CNTNAP5: variants seen among roughly 807,000 people sequenced by gnomAD.
CNTNAP5 encodes contactin associated protein family member 5.
Under a neutral mutation model 150.2 loss-of-function variants are expected in CNTNAP5, and 72 were observed. The ratio of observed to expected loss-of-function variants is 0.48; its 90% CI spans 0.40 to 0.58. CNTNAP5 has a LOEUF of 0.58. Among genes scored for constraint, CNTNAP5 ranks in the 20% least tolerant of loss-of-function variants. The pLI is 0.00. For missense variants in CNTNAP5, 1,636 were observed against 1,626.2 expected (o/e 1.01, Z -0.10); for synonymous variants, 672 against 619.8 (o/e 1.08, Z -1.25).
rs1477384390 is a variant in CNTNAP5 at position 124,707,189 on chromosome 2, GAAGAAGAAGAAGAAGAAT to G, written c.2078-40037_2078-40020del. ...AGAAGAAGAAGAAGAAGAAGAAGAA[GAAGAAGAAGAAGAAGAAT>G]AAACAACTTGGGATCATTCACTGAC... On this transcript the variant is annotated intron_variant, in intron 13 of 23. Coordinates refer to ENST00000682447, the MANE Select transcript of CNTNAP5 (RefSeq NM_001367498.1). 1.4e-4 allele frequency among the ~76,000 whole-genome samples: 18 copies of G among 131,582 alleles called. 2 individuals carry two copies. Among genetic ancestry groups the G allele is most frequent in the East Asian group, 1.3e-3 (5 of 3,764 alleles). 86.3% of individuals were successfully genotyped at this position (131,582 alleles called of 152,430 possible). A position where few individuals can be genotyped will look rare whatever the true frequency, so the allele number is the denominator to read the frequency against.
intron 9 of CNTNAP5, among the ~76,000 whole-genome samples, chr2:124,525,759 G>C (rs1450600007): frequency 1.3e-5 from 2 of 152,164 alleles, no homozygotes; most frequent in Non-Finnish European, 2.9e-5. Flanking sequence ...CTCTGCAAAA[G>C]TTTTTATGAC....
At chr2:124,166,948 T>G (rs1408059411) in intron 1 of CNTNAP5, among the ~76,000 whole-genome samples, 2 of 152,176 alleles carry the variant, frequency 1.3e-5, no homozygotes, top group African/African-American at 4.8e-5. Flanking sequence ...ACAGAGTGAA[T>G]GCCAATGCAC....
chr2:124,382,249 C>G (rs114720262), intron 3 of CNTNAP5, among the ~76,000 whole-genome samples: 1 of 152,044 alleles, frequency 6.6e-6, no homozygotes, highest in African/African-American at 2.4e-5. Flanking sequence ...GTAGTCTATG[C>G]GCTCAGATGC....
In CNTNAP5 at chr2:124,465,792, A is replaced by G. The variant is rs573175602; in HGVS notation, c.919-8947A>G. On this transcript the variant is annotated intron_variant, in intron 6 of 23. Transcript: ENST00000682447. ...GCTTGCATTCTAGCAGGAGAGGCAA[A>G]CTATAAAGAATAAACACAAGTAAGT... 6.6e-5 allele frequency among the ~76,000 whole-genome samples: 10 copies of G among 152,320 alleles called. No homozygotes were observed. The South Asian group carries it at 2.1e-3, about 32-fold the overall frequency.
At chr2:124,262,806 C>G in intron 3 of CNTNAP5, among the ~76,000 whole-genome samples, 1 of 115,490 alleles carries the variant, frequency 8.7e-6, no homozygotes, top group Middle Eastern at 6.0e-3. Flanking sequence ...CCCCTCCCCC[C>G]ACCCCACAAC....
intron 2 of CNTNAP5, 98 bp from the exon 3 acceptor site, chr2:124,242,102 T>C: frequency 1.0e-6 from 1 of 969,796 alleles, no homozygotes; most frequent in Non-Finnish European, 1.6e-6. Context: ...TAGAGTCATC[T>C]TAGTTGAACA....
chr2:124,125,848 A>T (rs1303522875), intron 1 of CNTNAP5, among the ~76,000 whole-genome samples: 1 of 152,224 alleles, frequency 6.6e-6, no homozygotes, highest in African/African-American at 2.4e-5. Context: ...AGAAACAAAG[A>T]TGTTCTTTGA....
At chr2:124,607,382 C>T (rs1417598358) in intron 11 of CNTNAP5, among the ~76,000 whole-genome samples, 3 of 152,122 alleles carry the variant, frequency 2.0e-5, no homozygotes, top group Non-Finnish European at 4.4e-5. Flanking sequence ...TGCCTTGTTA[C>T]ATTGGAGTTG....
At chr2:124,382,476 A>G (rs145890799) in intron 3 of CNTNAP5, among the ~76,000 whole-genome samples, 1 of 152,288 alleles carries the variant, frequency 6.6e-6, no homozygotes, top group East Asian at 1.9e-4. Flanking sequence ...AAATCTGAAC[A>G]ATACATTTGA....
chr2:124,368,008 A>G (rs1440248336), intron 3 of CNTNAP5, among the ~76,000 whole-genome samples: 1 of 152,168 alleles, frequency 6.6e-6, no homozygotes, highest in African/African-American at 2.4e-5. Context: ...CATGCCTTTC[A>G]AATGTGTCTA....
intron 13 of CNTNAP5, among the ~76,000 whole-genome samples, chr2:124,694,931 T>C (rs760590874): frequency 6.6e-6 from 1 of 152,152 alleles, no homozygotes; most frequent in Admixed American, 6.5e-5. Flanking sequence ...TTGTCAATGA[T>C]GGAAGCTGCT....
intron 7 of CNTNAP5, among the ~76,000 whole-genome samples, chr2:124,488,510 G>A (rs147269087): frequency 1.3e-5 from 2 of 152,276 alleles, no homozygotes; most frequent in African/African-American, 4.8e-5. Flanking sequence ...CTTAGCTGCT[G>A]TGATGTGCTT....
intron 13 of CNTNAP5, among the ~76,000 whole-genome samples, chr2:124,741,933 T>G: frequency 6.6e-6 from 1 of 152,312 alleles, no homozygotes; most frequent in East Asian, 1.9e-4. Context: ...TCTGTCTTTT[T>G]GTGGCTCAAT....
intron 3 of CNTNAP5, among the ~76,000 whole-genome samples, chr2:124,394,982 C>T (rs1023557162): frequency 2.6e-5 from 4 of 152,046 alleles, no homozygotes; most frequent in Non-Finnish European, 5.9e-5. Flanking sequence ...TTGATCTTAT[C>T]CTATGACAAA....
chr2:124,446,823 C>G lies in CNTNAP5; in HGVS notation c.804C>G (p.His268Gln), dbSNP rs1313868826. The G allele has an allele frequency of 4.3e-6, 7 of 1,613,822 alleles. No individual in the cohort carries two copies. The highest frequency in any genetic ancestry group is 5.9e-6 in the Non-Finnish European group (7 of 1,179,858). The change falls in exon 6 of 24, where the codon CAC (histidine) becomes CAG (glutamine). Residue 268 changes from histidine to glutamine, a missense_variant. Physicochemically the swap from His to Gln is conservative, Grantham distance 24. Coordinates refer to ENST00000682447, the MANE Select transcript of CNTNAP5 (RefSeq NM_001367498.1). ...TGGGCAGCCTCCTGGATGACCAGCA[C>G]TGGCACTCGGTCCTCATTGAGCGGG... ...ATLGSLLDDQ[H>Q]WHSVLIERVG...
chr2:124,218,904 A>G (rs1040275331), intron 1 of CNTNAP5, among the ~76,000 whole-genome samples: 11 of 152,080 alleles, frequency 7.2e-5, no homozygotes, highest in African/African-American at 2.4e-4. Context: ...ATATTTCTCA[A>G]TGGCCTCGGA....
intron 12 of CNTNAP5, among the ~76,000 whole-genome samples, chr2:124,628,814 GAC>G (rs1189355813): frequency 1.3e-5 from 2 of 152,106 alleles, no homozygotes; most frequent in African/African-American, 4.8e-5. Context: ...ATATTAAAGA[GAC>G]ACATCTCATG....
At chr2:124,648,792 T>C (rs1368024079) in intron 13 of CNTNAP5, among the ~76,000 whole-genome samples, 1 of 152,194 alleles carries the variant, frequency 6.6e-6, no homozygotes, top group Non-Finnish European at 1.5e-5. Flanking sequence ...ATCATTTGTT[T>C]CATGGGAGAA....
At chr2:124,120,964 A>G (rs1288360903) in intron 1 of CNTNAP5, among the ~76,000 whole-genome samples, 1 of 152,026 alleles carries the variant, frequency 6.6e-6, no homozygotes. Context: ...TTGAGGATAA[A>G]TTTTGGTGTA....
Sources: gnomAD v4.1 joint callset for allele counts (sites outside exome capture counted in the v4.1 genomes callset) on GRCh38, gnomAD v4.1.1 for gene constraint, MANE v1.5 for transcripts, NCBI Gene and HGNC (gene_info 2026-07-23, HGNC 2026-07-21) for gene names.